EXOC5: variants seen among roughly 807,000 people sequenced by gnomAD.
EXOC5 encodes the protein exocyst complex component 5, also known as SEC10-like 1.
A neutral mutation model predicts 90.8 loss-of-function variants in EXOC5; 17 were observed. The ratio of observed to expected loss-of-function variants is 0.19; its 90% confidence interval spans 0.13 to 0.28. EXOC5 has a LOEUF of 0.28. EXOC5 is among the 10% of genes least tolerant of loss of function. The pLI, the probability that EXOC5 is intolerant of heterozygous loss-of-function variation, is 1.00. For missense variants in EXOC5, 569 were observed against 830.6 expected, an observed-to-expected ratio of 0.69 and a Z score of 3.87; for synonymous variants, 260 against 270.0, an observed-to-expected ratio of 0.96 and a Z score of 0.36.
intron 14 of EXOC5, 74 bp downstream of exon 14, chr14:57,219,248 A>G: frequency 2.5e-6 from 2 of 813,590 alleles, no homozygotes; most frequent in Non-Finnish European, 3.4e-6. Flanking sequence ...AAATTTAATG[A>G]AAATATATAT....
intron 1 of EXOC5, among the ~76,000 whole-genome samples, chr14:57,253,214 A>G (rs1187940891): frequency 6.6e-6 from 1 of 152,196 alleles, no homozygotes; most frequent in African/African-American, 2.4e-5. Context: ...AAACTGAAAA[A>G]TTAGTTGCCA....
chr14:57,253,737 G>C (rs1013067316), intron 1 of EXOC5, among the ~76,000 whole-genome samples: 1 of 152,116 alleles, frequency 6.6e-6, no homozygotes, highest in South Asian at 2.1e-4. Context: ...TTTGACAAGG[G>C]TGCCAAGAAC....
chr14:57,229,587 G>A (rs991163711), intron 12 of EXOC5, 147 bp downstream of exon 12: 29 of 393,584 alleles, frequency 7.4e-5, no homozygotes, highest in Middle Eastern at 6.8e-4. Flanking sequence ...AAATGAGGAT[G>A]TGCATAGAAT....
chr14:57,231,761 T>A, intron 10 of EXOC5, 46 bp from the exon 11 acceptor site: 1 of 1,285,470 alleles, frequency 7.8e-7, no homozygotes, highest in Non-Finnish European at 1.1e-6. Flanking sequence ...ACATTTTAGG[T>A]ATAGTAACAA....
chr14:57,238,223 TACACACACACACACAC>T (rs61373267), intron 5 of EXOC5, among the ~76,000 whole-genome samples: 3 of 125,088 alleles, frequency 2.4e-5, no homozygotes, highest in Non-Finnish European at 5.1e-5. Context: ...CACATATATA[TACACACACACACACAC>T]ACACACACAC....
chr14:57,208,866 C>T (rs1305527010), intron 17 of EXOC5, 69 bp from the exon 18 acceptor site: 9 of 1,056,766 alleles, frequency 8.5e-6, no homozygotes, highest in Non-Finnish European at 1.2e-5. Context: ...TAGCTTGTAA[C>T]TTTTTACATA....
Position 57,202,162 on chromosome 14 carries a change from A to C in EXOC5, c.*6447T>G, listed in dbSNP as rs950437237. Reference sequence around the variant, plus strand: ...TACGTGGAAACAGAAATCCAAATGTAGGGGTGTTTTACAAAGTAACTACCC... The same window carrying C: ...TACGTGGAAACAGAAATCCAAATGTCGGGGTGTTTTACAAAGTAACTACCC... On this transcript the variant is annotated 3_prime_UTR_variant, in exon 18 of 18. Coordinates refer to ENST00000621441, the MANE Select transcript of EXOC5 (RefSeq NM_006544.4). The C allele has an allele frequency of 3.3e-5, 5 of 152,162 alleles. No homozygotes were observed. The highest frequency in any genetic ancestry group is 5.9e-5 in the Non-Finnish European group (4 of 68,020). 9.4% of individuals were successfully genotyped at this position (152,162 alleles called of 1,614,324 possible).
intron 12 of EXOC5, among the ~76,000 whole-genome samples, chr14:57,225,725 C>T (rs1186211950): frequency 6.6e-6 from 1 of 152,164 alleles, no homozygotes; most frequent in Non-Finnish European, 1.5e-5. Flanking sequence ...TCCTATGACA[C>T]AGTCTCAGGA....
chr14:57,206,382 A>AT lies in EXOC5; in HGVS notation c.*2226dup, dbSNP rs10706566. The stretch of plus-strand genomic sequence containing the variant: ...GAATGCATATTGCCTCACATGACAC[A>AT]TTTTTTTTTTTCCCTCAGAGAAAGA... On this transcript the variant is annotated 3_prime_UTR_variant, in exon 18 of 18. Coordinates refer to ENST00000621441, the MANE Select transcript of EXOC5 (RefSeq NM_006544.4). 743 of 150,956 alleles carry AT rather than the reference A, an allele frequency of 4.9e-3. 5 individuals carry two copies. The highest frequency in any genetic ancestry group is 0.01 in the East Asian group (54 of 5,174). 9.4% of individuals were successfully genotyped at this position (150,956 alleles called of 1,614,324 possible).
At chr14:57,219,113 T>C (rs1373549224) in intron 14 of EXOC5, among the ~76,000 whole-genome samples, 4 of 152,054 alleles carry the variant, frequency 2.6e-5, no homozygotes, top group Non-Finnish European at 5.9e-5. Context: ...ATTAATAATA[T>C]AGTGGAAAGA....
rs1350315280 is a variant in EXOC5 at position 57,204,202 on chromosome 14, A to G, written c.*4407T>C. ...TAAAATACCTCGGGTCTAGTTCAAA[A>G]ATAGGAATTTTGTTAAGCCCAGGGG... On this transcript the variant is annotated 3_prime_UTR_variant, in exon 18 of 18. Transcript: ENST00000621441. 6.6e-6 allele frequency: 1 copy of G among 152,162 alleles called. No individual in the cohort carries two copies. The highest frequency in any genetic ancestry group is 1.5e-5 in the Non-Finnish European group (1 of 68,006). 9.4% of individuals were successfully genotyped at this position (152,162 alleles called of 1,614,324 possible).
intron 15 of EXOC5, among the ~76,000 whole-genome samples, chr14:57,217,207 A>G (rs1883001228): frequency 1.3e-5 from 2 of 152,206 alleles, no homozygotes; most frequent in Non-Finnish European, 2.9e-5. Context: ...AAATTCCTCA[A>G]AAACTTAAAA....
rs189310228 is a variant in EXOC5, at chr14:57,230,629, C to T, written c.1149-748G>A. Among the ~76,000 whole-genome samples, 399 of 152,288 alleles carry T rather than the reference C, an allele frequency of 2.6e-3. 2 individuals are homozygous for T. Among genetic ancestry groups the T allele is most frequent in the African/African-American group, 9.1e-3 (378 of 41,554 alleles). ...GTGGGGATTCTGGACTTTGAGTCCA[C>T]CAATGTCATTCTGTCTCTTTTTAGA... On this transcript the variant is annotated intron_variant, in intron 11 of 17. Coordinates refer to ENST00000621441, the MANE Select transcript of EXOC5 (RefSeq NM_006544.4).
At chr14:57,213,706 C>T (rs950262031) in intron 15 of EXOC5, among the ~76,000 whole-genome samples, 11 of 152,120 alleles carry the variant, frequency 7.2e-5, no homozygotes, top group South Asian at 2.1e-4. Context: ...CAGTAGTTCA[C>T]GCCTGTAATC....
chr14:57,268,099 G>T, intron 1 of EXOC5: 1 of 155,278 alleles, frequency 6.4e-6, no homozygotes, highest in Non-Finnish European at 1.4e-5. Flanking sequence ...CTTTTCAAAT[G>T]TCAGGTTAAA....
At position 57,235,673 on chromosome 14, in the gene EXOC5, G is replaced by A. The variant is rs1175196916; in HGVS notation, c.669+38C>T. 14 of 1,037,128 alleles carry A rather than the reference G, an allele frequency of 1.3e-5. No individual in the cohort carries two copies. The Admixed American group carries it at 2.4e-4, about 18-fold the overall frequency. The allele number at this position is 1,037,128 out of a possible 1,614,324, so 64.2% of individuals were successfully genotyped here. On this transcript the variant is annotated intron_variant, in intron 7 of 17. Transcript: ENST00000621441. ...ATATAGAACTTACGTAATTTCCATA[G>A]CCTTGAACACTATTCATTTTTAATT...
chr14:57,229,781 C>A lies in EXOC5; in HGVS notation c.1249G>T (p.Val417Phe). ...GETFLSQEVV[V>F]NLLQETKQAF... ...TGTTTGGTTTCTTGTAAAAGATTAA[C>A]CACCACTTCTTGGGATAGAAAAGTC... The change falls in exon 12 of 18, where the codon GTT (valine) becomes TTT (phenylalanine). Residue 417 changes from valine to phenylalanine, a missense_variant. By Grantham distance (50) the Val-to-Phe change is conservative. Transcript: ENST00000621441. 3.9e-6 allele frequency: 6 copies of A among 1,526,178 alleles called. No individual in the cohort carries two copies. The highest frequency in any genetic ancestry group is 5.3e-6 in the Non-Finnish European group (6 of 1,130,342). 94.5% of individuals were successfully genotyped at this position (1,526,178 alleles called of 1,614,324 possible). A position where few individuals can be genotyped will look rare whatever the true frequency, so the allele number is the denominator to read the frequency against.
At position 57,234,186 on chromosome 14, in the gene EXOC5, A is replaced by C. The variant is rs145376590; in HGVS notation, c.670-154T>G. The stretch of plus-strand genomic sequence containing the variant: ...GACTTAAATAAAATTAACTGCAGAA[A>C]ACCAGTAACTTGATAAAGGTATCGT... On this transcript the variant is annotated intron_variant, in intron 7 of 17. Transcript: ENST00000621441. 7.0e-4 allele frequency among the ~76,000 whole-genome samples: 107 copies of C among 152,260 alleles called. 2 individuals are homozygous for C. In the East Asian group the frequency reaches 0.019, roughly 28 times the overall value.
intron 4 of EXOC5, among the ~76,000 whole-genome samples, chr14:57,241,271 G>T (rs1361340441): frequency 6.6e-6 from 1 of 152,148 alleles, no homozygotes; most frequent in Non-Finnish European, 1.5e-5. Context: ...TTCTGCTTCA[G>T]TCATCCCTTT....
Sources: gnomAD v4.1 joint callset for allele counts (sites outside exome capture counted in the v4.1 genomes callset) on GRCh38, gnomAD v4.1.1 for gene constraint, MANE v1.5 for transcripts, NCBI Gene and HGNC (gene_info 2026-07-23, HGNC 2026-07-21) for gene names.